The following MAST2 variants were observed in gnomAD, a reference collection of about 807,000 sequenced individuals.
MAST2 encodes microtubule-associated serine/threonine-protein kinase 2.
MAST2 carries 70 observed loss-of-function variants against 147.4 expected under a neutral mutation model. The ratio of observed to expected loss-of-function variants is 0.47; its 90% CI spans 0.39 to 0.58. The LOEUF is 0.58. Ranked by LOEUF, MAST2 falls within the 20% of genes least tolerant of loss-of-function variation. The pLI is 0.00. For synonymous variants in MAST2, 869 were observed against 896.8 expected (o/e 0.97, Z 0.55); for missense variants, 2,080 against 2,302.3 (o/e 0.90, Z 1.98).
Position 45,995,283 on chromosome 1 carries a change from C to T in MAST2, c.593-2441C>T, listed in dbSNP as rs997539516. 2.6e-5 allele frequency among the ~76,000 whole-genome samples: 4 copies of T among 152,194 alleles called. No individual in the cohort carries two copies. In the East Asian group the frequency reaches 7.7e-4, roughly 29 times the overall value. ...TGAGCTCCACCAAGCTCTAGCCACT[C>T]TAAAGATTTTTCTCTGTATCTTGAG... On this transcript the variant is annotated intron_variant, in intron 5 of 28. Coordinates refer to ENST00000361297, the MANE Select transcript of MAST2 (RefSeq NM_015112.3).
chr1:45,839,943 C>G (rs1645223176), intron 3 of MAST2, among the ~76,000 whole-genome samples: 1 of 152,170 alleles, frequency 6.6e-6, no homozygotes, highest in Admixed American at 6.5e-5. Flanking sequence ...AACCTCTATA[C>G]TTACCTCATG....
chr1:45,977,538 G>A (rs189219102), intron 5 of MAST2, among the ~76,000 whole-genome samples: 28 of 151,950 alleles, frequency 1.8e-4, no homozygotes, highest in African/African-American at 6.5e-4. Context: ...AGTGGCTCAC[G>A]CCTGTAATCC....
At chr1:45,959,298 T>C (rs1258817621) in intron 4 of MAST2, 88 bp from the exon 5 acceptor site, 4 of 941,830 alleles carry the variant, frequency 4.2e-6, no homozygotes, top group Non-Finnish European at 6.8e-6. Flanking sequence ...CGTGGAATGG[T>C]GTCCCTCTTT....
rs192469249 is a variant in MAST2, at chr1:45,911,917, G to A, written c.500+29522G>A. On this transcript the variant is annotated intron_variant, in intron 4 of 28. Transcript: ENST00000361297. The stretch of plus-strand genomic sequence containing the variant: ...TTATTATTATGTAGCCTGGTCTCGG[G>A]TATTAGAGAATTGGAGAATATTGAG... Among the ~76,000 whole-genome samples, 75 of 147,734 alleles carry A rather than the reference G, an allele frequency of 5.1e-4. 2 individuals carry two copies. Among genetic ancestry groups the A allele is most frequent in the African/African-American group, 1.8e-3 (74 of 40,314 alleles).
intron 4 of MAST2, among the ~76,000 whole-genome samples, chr1:45,933,383 T>A (rs935720179): frequency 6.6e-6 from 1 of 152,246 alleles, no homozygotes; most frequent in Non-Finnish European, 1.5e-5. Flanking sequence ...CACTGATACC[T>A]CCACTTCTAA....
rs566733925 is a variant in MAST2, at chr1:46,033,240, C to T, written c.3537+522C>T. On this transcript the variant is annotated intron_variant, in intron 26 of 28. Transcript: ENST00000361297. Reference sequence around the variant, plus strand: ...TGAGCTGAGGTCATACCACTGCACTCCAGCTTGGGAGACACAGCAAGACTC... The same window carrying T: ...TGAGCTGAGGTCATACCACTGCACTTCAGCTTGGGAGACACAGCAAGACTC... Among the ~76,000 whole-genome samples, 44 of 151,186 alleles carry T rather than the reference C, an allele frequency of 2.9e-4. No homozygotes were observed. The South Asian group carries it at 5.2e-3, about 18-fold the overall frequency.
At chr1:45,920,644 C>G (rs1206709880) in intron 4 of MAST2, among the ~76,000 whole-genome samples, 1 of 152,132 alleles carries the variant, frequency 6.6e-6, no homozygotes, top group Non-Finnish European at 1.5e-5. Flanking sequence ...TTGACTGATT[C>G]ACGTTGCATA....
chr1:45,968,486 T>G (rs1022868885), intron 5 of MAST2, among the ~76,000 whole-genome samples: 4 of 151,942 alleles, frequency 2.6e-5, no homozygotes, highest in Admixed American at 1.3e-4. Flanking sequence ...TTTGTTGTTT[T>G]TTTTTTTTGT....
At chr1:45,939,254 C>T (rs78265613) in intron 4 of MAST2, among the ~76,000 whole-genome samples, 424 of 152,090 alleles carry the variant, frequency 2.8e-3, no homozygotes, top group African/African-American at 9.7e-3. Flanking sequence ...TAGCAGAATT[C>T]GCTGGAAAGG....
chr1:45,820,130 G>C (rs1490349562), intron 1 of MAST2, among the ~76,000 whole-genome samples: 1 of 152,104 alleles, frequency 6.6e-6, no homozygotes, highest in Non-Finnish European at 1.5e-5. Context: ...CGGAAAACTG[G>C]AAATCTATAT....
Position 46,023,461 on chromosome 1 carries a change from A to T in MAST2, c.1571+143A>T. 1.4e-6 allele frequency: 1 copy of T among 734,554 alleles called. No homozygotes were observed. The highest frequency in any genetic ancestry group is 1.7e-5 in the South Asian group (1 of 59,612). 45.5% of individuals were successfully genotyped at this position (734,554 alleles called of 1,614,324 possible). A position where few individuals can be genotyped will look rare whatever the true frequency, so the allele number is the denominator to read the frequency against. On this transcript the variant is annotated intron_variant, in intron 14 of 28. Transcript: ENST00000361297. This position sits in a 1 kb window ranked among gnomAD's most constrained non-coding sequence, Gnocchi z 4.9. ...ACTCCCAGAAGCCTCCTGGGTGGGC[A>T]GGAGTTCAGATTCCTCTGACATCCG...
chr1:45,909,926 C>T (rs1291517131), intron 4 of MAST2, among the ~76,000 whole-genome samples: 2 of 152,188 alleles, frequency 1.3e-5, no homozygotes, highest in Non-Finnish European at 2.9e-5. Context: ...GATTCTCCTG[C>T]CTCAGCCAGG....
At chr1:45,971,614 C>T (rs1643917032) in intron 5 of MAST2, among the ~76,000 whole-genome samples, 1 of 152,188 alleles carries the variant, frequency 6.6e-6, no homozygotes, top group Non-Finnish European at 1.5e-5. Flanking sequence ...GAAAGTTTAA[C>T]ATCATGCTCA....
chr1:45,853,913 T>A (rs1467070396), intron 3 of MAST2, among the ~76,000 whole-genome samples: 1 of 152,192 alleles, frequency 6.6e-6, no homozygotes, highest in African/African-American at 2.4e-5. Flanking sequence ...GTAATTTTTG[T>A]GTATAGTGTG....
rs750438479 is a variant in MAST2, at chr1:46,025,651, C to T, written c.1781-26C>T. On this transcript the variant is annotated intron_variant, in intron 15 of 28. Transcript: ENST00000361297. Reference sequence around the variant, plus strand: ...CTAGAGCAGGGAACTGAATCCTTTCCTCATGGTAGCCTGGGCTTGTTGCAG... The same window carrying T: ...CTAGAGCAGGGAACTGAATCCTTTCTTCATGGTAGCCTGGGCTTGTTGCAG... 3.1e-6 allele frequency: 5 copies of T among 1,613,538 alleles called. No homozygotes were observed. In the South Asian group the frequency reaches 4.4e-5, roughly 14 times the overall value.
rs963521414 is a variant in MAST2, at chr1:46,035,717, T to C, written c.5048T>C (p.Leu1683Pro). 6.2e-6 allele frequency: 10 copies of C among 1,613,720 alleles called. No individual in the cohort carries two copies. The Admixed American group carries it at 8.3e-5, about 13-fold the overall frequency. The change falls in exon 29 of 29, where the codon CTC becomes CCC. Residue 1683 changes from leucine to proline, a missense_variant. Leu to Pro is a moderately conservative substitution (Grantham distance 98, BLOSUM62 -3). This residue lies in a region of MAST2 where 1,278 missense variants were observed against 1,304.2 expected (regional missense o/e 0.98). Coordinates refer to ENST00000361297, the MANE Select transcript of MAST2 (RefSeq NM_015112.3). The surrounding 1 kb of genome is among the most constrained non-coding windows in gnomAD (Gnocchi z 5.5). Reference protein sequence around the residue: ...KATMAGGLANLQDLENTTPAQ... With the variant: ...KATMAGGLANPQDLENTTPAQ... ...ACCATGGCAGGTGGGCTAGCCAACC[T>C]CCAGGATTTGGAAAACACAACTCCA...
At chr1:45,901,624 G>A (rs138952892) in intron 4 of MAST2, among the ~76,000 whole-genome samples, 19 of 152,112 alleles carry the variant, frequency 1.2e-4, no homozygotes, top group Non-Finnish European at 2.9e-5. Context: ...ATCATAGGAT[G>A]TTTTTCCATT....
chr1:45,905,493 A>T (rs1650537288), intron 4 of MAST2, among the ~76,000 whole-genome samples: 1 of 152,120 alleles, frequency 6.6e-6, no homozygotes, highest in South Asian at 2.1e-4. Context: ...AAAATGAAAG[A>T]GCCGGCTGTG....
intron 4 of MAST2, among the ~76,000 whole-genome samples, chr1:45,937,638 G>A (rs1656451116): frequency 6.6e-6 from 1 of 151,218 alleles, no homozygotes; most frequent in African/African-American, 2.4e-5. Context: ...TGTAATCCCA[G>A]CTACTTGGGA....
Sources: gnomAD v4.1 joint callset for allele counts (sites outside exome capture counted in the v4.1 genomes callset) on GRCh38, gnomAD v4.1.1 for gene constraint, gnomAD v4.1.1 regional missense constraint, Gnocchi (gnomAD v3.1) non-coding constraint, MANE v1.5 for transcripts, NCBI Gene and HGNC (gene_info 2026-07-23, HGNC 2026-07-21) for gene names.